TRIM2: variants seen among roughly 807,000 people sequenced by gnomAD.
TRIM2 encodes the protein tripartite motif containing 2.
In TRIM2, 20 loss-of-function variants were observed where a neutral mutation model predicts 75.2. That is an observed-to-expected ratio of 0.27 (90% CI 0.19 to 0.39). The LOEUF is 0.39. Ranked by LOEUF, TRIM2 falls within the 10% of genes least tolerant of loss-of-function variation. The pLI is 1.00. For synonymous variants in TRIM2, 373 were observed against 388.3 expected (o/e 0.96, Z 0.46); for missense variants, 660 against 990.8 (o/e 0.67, Z 4.48).
At position 153,335,381 on chromosome 4, in the gene TRIM2, T is replaced by G. The variant is rs1772336452; in HGVS notation, c.*415T>G. 1 of 986,532 alleles carries G rather than the reference T, an allele frequency of 1.0e-6. No homozygotes were observed. The highest frequency in any genetic ancestry group is 1.2e-6 in the Non-Finnish European group (1 of 830,682). The allele number at this position is 986,532 out of a possible 1,614,324, so 61.1% of individuals were successfully genotyped here. The stretch of plus-strand genomic sequence containing the variant: ...AATCTATTGTAGTTATATACTTCAT[T>G]TAACCTAGGTCACAAGACCCAGGGA... On this transcript the variant is annotated 3_prime_UTR_variant, in exon 12 of 12. Coordinates refer to ENST00000338700, the MANE Select transcript of TRIM2 (RefSeq NM_015271.5).
chr4:153,251,621 A>G (rs1011314597), intron 1 of TRIM2, among the ~76,000 whole-genome samples: 4 of 152,162 alleles, frequency 2.6e-5, no homozygotes, highest in African/African-American at 9.7e-5. Flanking sequence ...TAGCATATGC[A>G]TCACCTCATA....
intron 1 of TRIM2, among the ~76,000 whole-genome samples, chr4:153,238,242 CA>C (rs1332682852): frequency 6.6e-6 from 1 of 152,210 alleles, no homozygotes; most frequent in Non-Finnish European, 1.5e-5. Context: ...AGCCAATTAA[CA>C]CATCATTTTT....
intron 1 of TRIM2, among the ~76,000 whole-genome samples, chr4:153,233,618 G>A (rs1002735259): frequency 2.0e-5 from 3 of 152,110 alleles, no homozygotes; most frequent in African/African-American, 7.2e-5. Context: ...CATGGGAAAG[G>A]AGGAGATGAT....
chr4:153,247,314 C>A (rs529011231), intron 1 of TRIM2, among the ~76,000 whole-genome samples: 81 of 152,176 alleles, frequency 5.3e-4, no homozygotes, highest in Non-Finnish European at 9.4e-4. Context: ...GTGTCAAAAA[C>A]AGCAGGGAGA....
At chr4:153,328,765 C>G in intron 11 of TRIM2, 95 bp downstream of exon 11, 1 of 1,395,766 alleles carries the variant, frequency 7.2e-7, no homozygotes, top group Non-Finnish European at 9.6e-7. Context: ...TTTCTCTTTT[C>G]CATTGGTTAG....
intron 6 of TRIM2, among the ~76,000 whole-genome samples, chr4:153,300,213 A>G (rs1290711722): frequency 1.3e-5 from 2 of 152,264 alleles, no homozygotes; most frequent in Admixed American, 6.5e-5. Context: ...AACCTGTGCC[A>G]GGGTTCACTG....
intron 1 of TRIM2, among the ~76,000 whole-genome samples, chr4:153,256,642 A>G (rs1752134328): frequency 6.6e-6 from 1 of 152,216 alleles, no homozygotes; most frequent in African/African-American, 2.4e-5. Context: ...TTTACAACTA[A>G]GTTTAATGAC....
At chr4:153,172,390 T>C (rs1393665391) in intron 1 of TRIM2, among the ~76,000 whole-genome samples, 4 of 152,118 alleles carry the variant, frequency 2.6e-5, no homozygotes, top group Non-Finnish European at 5.9e-5. Flanking sequence ...GGTTTCACCA[T>C]GTTAGCCAGG....
intron 8 of TRIM2, among the ~76,000 whole-genome samples, chr4:153,320,879 A>C (rs141988993): frequency 6.6e-6 from 1 of 151,992 alleles, no homozygotes; most frequent in African/African-American, 2.4e-5. Flanking sequence ...TTATCCACCC[A>C]CCTCGGCCTC....
chr4:153,314,035 AATTC>A (rs1342642963), intron 6 of TRIM2, among the ~76,000 whole-genome samples: 1 of 152,156 alleles, frequency 6.6e-6, no homozygotes, highest in Non-Finnish European at 1.5e-5. Flanking sequence ...TTTTGAGCAA[AATTC>A]ATTGTTTCCA....
intron 3 of TRIM2, among the ~76,000 whole-genome samples, chr4:153,276,729 C>T (rs1351588679): frequency 1.3e-5 from 2 of 152,326 alleles, no homozygotes; most frequent in Non-Finnish European, 2.9e-5. Flanking sequence ...CATTGTGTAG[C>T]GTCTAAGGAC....
At position 153,275,995 on chromosome 4, in the gene TRIM2, C is replaced by A; in HGVS notation, c.318C>A (p.Asn106Lys). The A allele has an allele frequency of 6.2e-7, 1 of 1,614,204 alleles. No homozygotes were observed. Among genetic ancestry groups the A allele is most frequent in the Non-Finnish European group, 8.5e-7 (1 of 1,180,042 alleles). The change falls in exon 3 of 12, where the codon AAC becomes AAA. Residue 106 changes from asparagine to lysine, a missense_variant. By Grantham distance (94) the Asn-to-Lys change is moderately conservative. Coordinates refer to ENST00000338700, the MANE Select transcript of TRIM2 (RefSeq NM_015271.5). The part of the protein sequence containing the change: ...LPEKGVAALQ[N>K]NFFITNLMDV... ...AGAAAGGGGTGGCCGCGCTCCAGAACAATTTCTTCATCACAAACCTGATGG... is the reference window on the plus strand; with the variant it reads ...AGAAAGGGGTGGCCGCGCTCCAGAAAAATTTCTTCATCACAAACCTGATGG...
At chr4:153,175,384 C>A (rs1731319726) in intron 1 of TRIM2, among the ~76,000 whole-genome samples, 1 of 152,028 alleles carries the variant, frequency 6.6e-6, no homozygotes, top group African/African-American at 2.4e-5. Context: ...GTGATGTGCA[C>A]AGCCGGATAT....
At chr4:153,261,568 T>C (rs1454358276) in intron 1 of TRIM2, among the ~76,000 whole-genome samples, 4 of 152,206 alleles carry the variant, frequency 2.6e-5, no homozygotes, top group African/African-American at 9.7e-5. Flanking sequence ...ATATGTGACC[T>C]CTTACCCACA....
In TRIM2 at chr4:153,247,441, C is replaced by T. The variant is rs539610802; in HGVS notation, c.31-22894C>T. Among the ~76,000 whole-genome samples the T allele has an allele frequency of 1.8e-3, 279 of 152,166 alleles. 4 individuals are homozygous for T. The highest frequency in any genetic ancestry group is 2.3e-3 in the Non-Finnish European group (156 of 68,002). ...CTGTAGTCCCAGCACTTCGGGAGGC[C>T]GAGGCAGGCAGATCATTTAAGGTCA... On this transcript the variant is annotated intron_variant, in intron 1 of 11. Transcript: ENST00000338700.
rs10718802 is a variant in TRIM2, at chr4:153,326,979, CAAAAAAA to C, written c.2023-1538_2023-1532del. ...TGGGTGACAGAATAAGACTCCATCT[CAAAAAAA>C]AAAAAAAAAAAAGAAAGAAAGATAA... On this transcript the variant is annotated intron_variant, in intron 10 of 11. Transcript: ENST00000338700. Among the ~76,000 whole-genome samples, 5 of 98,978 alleles carry C rather than the reference CAAAAAAA, an allele frequency of 5.1e-5. No individual in the cohort carries two copies. The East Asian group carries it at 1.8e-3, about 35-fold the overall frequency. The allele number at this position is 98,978 out of a possible 152,430, so 64.9% of individuals were successfully genotyped here.
intron 11 of TRIM2, among the ~76,000 whole-genome samples, chr4:153,334,163 C>T (rs760993669): frequency 6.6e-6 from 1 of 151,792 alleles, no homozygotes; most frequent in South Asian, 2.1e-4. Context: ...TTTTTAAGCA[C>T]CATCTAGGGC....
At chr4:153,296,431 T>C (rs1762783726) in intron 6 of TRIM2, among the ~76,000 whole-genome samples, 1 of 152,198 alleles carries the variant, frequency 6.6e-6, no homozygotes, top group South Asian at 2.1e-4. Flanking sequence ...AACGCCCCTC[T>C]TCCCTGGGAG....
intron 1 of TRIM2, among the ~76,000 whole-genome samples, chr4:153,182,704 G>A (rs1030532192): frequency 2.0e-5 from 3 of 152,164 alleles, no homozygotes; most frequent in Admixed American, 2.0e-4. Context: ...AATCTGTTAG[G>A]TGTTTCAGAA....
Sources: gnomAD v4.1 joint callset for allele counts (sites outside exome capture counted in the v4.1 genomes callset) on GRCh38, gnomAD v4.1.1 for gene constraint, MANE v1.5 for transcripts, NCBI Gene and HGNC (gene_info 2026-07-23, HGNC 2026-07-21) for gene names.